Variants in CTNND2 observed in about 807,000 individuals in gnomAD.
CTNND2 encodes the protein catenin delta 2.
In CTNND2, 22 loss-of-function variants were observed where a neutral mutation model predicts 144.4. That is an observed-to-expected ratio of 0.15 (90% CI 0.11 to 0.22). The LOEUF (loss-of-function observed/expected upper bound fraction) is 0.22. Ranked by LOEUF, CTNND2 falls within the 10% of genes least tolerant of loss-of-function variation. The pLI is 1.00. For missense variants in CTNND2, 1,353 were observed against 1,618.8 expected (o/e 0.84, Z 2.82); for synonymous variants, 751 against 695.6 (o/e 1.08, Z -1.25).
intron 2 of CTNND2, chr5:11,588,651 T>C (rs1779026818): frequency 3.3e-6 from 2 of 605,854 alleles, no homozygotes; most frequent in Non-Finnish European, 4.1e-6. Context: ...TTTAAAACTT[T>C]AGTTAAAATT....
At chr5:11,687,726 C>T (rs535838455) in intron 2 of CTNND2, among the ~76,000 whole-genome samples, 1 of 152,270 alleles carries the variant, frequency 6.6e-6, no homozygotes, top group South Asian at 2.1e-4. Flanking sequence ...CCTCATGGAG[C>T]ACGTGTTCTA....
intron 10 of CTNND2, among the ~76,000 whole-genome samples, chr5:11,225,704 TC>T (rs1740259971): frequency 6.6e-6 from 1 of 152,148 alleles, no homozygotes; most frequent in Admixed American, 6.5e-5. Flanking sequence ...TGATCTCACC[TC>T]CTACCCCTCG....
chr5:11,009,095 G>T (rs988906205), intron 18 of CTNND2, among the ~76,000 whole-genome samples: 13 of 152,216 alleles, frequency 8.5e-5, no homozygotes, highest in African/African-American at 2.9e-4. Flanking sequence ...CACAAAATTT[G>T]TATCTTCCCT....
At chr5:11,902,338 C>G (rs1174290556) in intron 1 of CTNND2, among the ~76,000 whole-genome samples, 2 of 152,186 alleles carry the variant, frequency 1.3e-5, no homozygotes, top group Non-Finnish European at 2.9e-5. Flanking sequence ...TATCACACGT[C>G]TCGTAGCAGA....
chr5:11,448,188 A>G (rs1341594703), intron 3 of CTNND2, among the ~76,000 whole-genome samples: 3 of 152,234 alleles, frequency 2.0e-5, no homozygotes, highest in Non-Finnish European at 4.4e-5. Flanking sequence ...TGGTTATACC[A>G]AACGATTTAC....
At chr5:11,140,837 A>G (rs1267601137) in intron 12 of CTNND2, among the ~76,000 whole-genome samples, 1 of 152,270 alleles carries the variant, frequency 6.6e-6, no homozygotes, top group Non-Finnish European at 1.5e-5. Flanking sequence ...AACAATTTAT[A>G]TAAATATATA....
chr5:11,850,111 TA>T (rs1245711172), intron 1 of CTNND2, among the ~76,000 whole-genome samples: 3 of 151,842 alleles, frequency 2.0e-5, no homozygotes, highest in East Asian at 1.9e-4. Flanking sequence ...AAAATTACAA[TA>T]AAAAAGTACA....
chr5:11,355,987 C>T (rs909139765), intron 8 of CTNND2, among the ~76,000 whole-genome samples: 1 of 151,632 alleles, frequency 6.6e-6, no homozygotes, highest in South Asian at 2.1e-4. Context: ...TAAACTTAAC[C>T]GAGGAGATAA....
intron 3 of CTNND2, among the ~76,000 whole-genome samples, chr5:11,526,585 G>T (rs1041384485): frequency 6.6e-6 from 1 of 152,110 alleles, no homozygotes; most frequent in East Asian, 1.9e-4. Context: ...TTTGCCACAC[G>T]CCAGCCCTCT....
At chr5:11,536,759 A>G (rs1298962768) in intron 3 of CTNND2, among the ~76,000 whole-genome samples, 1 of 152,062 alleles carries the variant, frequency 6.6e-6, no homozygotes, top group Non-Finnish European at 1.5e-5. Flanking sequence ...ATAAAAGACT[A>G]TACATTGGGT....
chr5:11,802,571 A>G (rs1791754880), intron 1 of CTNND2, among the ~76,000 whole-genome samples: 1 of 152,162 alleles, frequency 6.6e-6, no homozygotes. Flanking sequence ...CCATCTCAAA[A>G]AAAAAAAAAC....
At chr5:11,708,344 A>G (rs545483437) in intron 2 of CTNND2, among the ~76,000 whole-genome samples, 1 of 152,312 alleles carries the variant, frequency 6.6e-6, no homozygotes, top group Admixed American at 6.5e-5. Context: ...GAAAAAAGCA[A>G]TTAAACATTA....
intron 8 of CTNND2, among the ~76,000 whole-genome samples, chr5:11,359,491 G>A (rs945496707): frequency 6.6e-6 from 1 of 152,098 alleles, no homozygotes; most frequent in South Asian, 2.1e-4. Flanking sequence ...GGTACTCTCC[G>A]GGAGCTCTGT....
chr5:11,755,833 T>A (rs1294933605), intron 1 of CTNND2, among the ~76,000 whole-genome samples: 1 of 151,644 alleles, frequency 6.6e-6, no homozygotes, highest in Non-Finnish European at 1.5e-5. Flanking sequence ...AGCTTCTGTA[T>A]CATTTTATTT....
intron 6 of CTNND2, chr5:11,385,852 C>T (rs1431900523): frequency 1.0e-5 from 1 of 100,444 alleles, no homozygotes; most frequent in Non-Finnish European, 2.1e-5. Flanking sequence ...GAATTCGCTT[C>T]GTCTTTTCAG....
At position 11,553,363 on chromosome 5, in the gene CTNND2, C is replaced by T. The variant is rs535348898; in HGVS notation, c.287+11581G>A. 3.4e-4 allele frequency among the ~76,000 whole-genome samples: 52 copies of T among 152,136 alleles called. 1 individual carries two copies. In the East Asian group the frequency reaches 9.5e-3, roughly 28 times the overall value. On this transcript the variant is annotated intron_variant, in intron 3 of 21. Transcript: ENST00000304623. ...TACTCTGATACATCTTTTTAGCCCA[C>T]AATGAGAGGAACAATTTTATAATCT... is the stretch of plus-strand genomic sequence containing the variant.
chr5:11,359,010 T>C (rs1238879214), intron 8 of CTNND2, among the ~76,000 whole-genome samples: 1 of 152,218 alleles, frequency 6.6e-6, no homozygotes, highest in South Asian at 2.1e-4. Context: ...TTTATAAAAA[T>C]GTGTTTAAGG....
intron 11 of CTNND2, among the ~76,000 whole-genome samples, chr5:11,177,018 G>T (rs1473901171): frequency 6.6e-6 from 1 of 152,188 alleles, no homozygotes. Context: ...CTTAATAAGA[G>T]TAAGAGTAAT....
At chr5:11,583,082 A>T (rs995123432) in intron 2 of CTNND2, among the ~76,000 whole-genome samples, 6 of 152,240 alleles carry the variant, frequency 3.9e-5, no homozygotes, top group African/African-American at 1.4e-4. Flanking sequence ...GCAAACAGTA[A>T]GCTCTTACAT....
Sources: allele counts gnomAD v4.1 joint callset (sites outside exome capture counted in the v4.1 genomes callset), GRCh38; gene constraint gnomAD v4.1.1; transcripts MANE v1.5; gene names NCBI Gene and HGNC (gene_info 2026-07-23, HGNC 2026-07-21).